The following AFG2A variants were observed in gnomAD, a reference collection of about 807,000 sequenced individuals.
AFG2A encodes AAA ATPase AFG2A.
the AFG2A span, among the ~76,000 whole-genome samples, chr4:122,939,345 G>A: frequency 6.6e-6 from 1 of 152,080 alleles, no homozygotes; most frequent in Non-Finnish European, 1.5e-5. Context: ...GCCTCCCAAA[G>A]TGCTGGGATT....
At chr4:123,082,978 G>C in the AFG2A span, among the ~76,000 whole-genome samples, 1 of 151,992 alleles carries the variant, frequency 6.6e-6, no homozygotes, top group Non-Finnish European at 1.5e-5. Flanking sequence ...TGATATATAA[G>C]AATGCAGTTA....
chr4:123,000,234 A>G, the AFG2A span, among the ~76,000 whole-genome samples: 69 of 150,146 alleles, frequency 4.6e-4, 2 homozygotes, highest in Admixed American at 1.3e-3. Context: ...TAGATATACA[A>G]TCATGTTGTC....
chr4:123,001,272 G>T, the AFG2A span, among the ~76,000 whole-genome samples: 5 of 152,042 alleles, frequency 3.3e-5, no homozygotes, highest in African/African-American at 9.7e-5. Flanking sequence ...ATTCATTAAT[G>T]TTTTGAAGGG....
chr4:123,170,753 T>C, the AFG2A span, among the ~76,000 whole-genome samples: 1 of 152,210 alleles, frequency 6.6e-6, no homozygotes, highest in Non-Finnish European at 1.5e-5. Flanking sequence ...TGTGGACTTA[T>C]ATAAAAATAA....
chr4:123,142,971 T>G, the AFG2A span, among the ~76,000 whole-genome samples: 2 of 152,058 alleles, frequency 1.3e-5, no homozygotes, highest in African/African-American at 2.4e-5. Context: ...CTCCAAAATT[T>G]GAAACTTTTG....
the AFG2A span, among the ~76,000 whole-genome samples, chr4:123,189,056 G>T: frequency 3.1e-4 from 47 of 152,226 alleles, no homozygotes; most frequent in Middle Eastern, 3.4e-3. Flanking sequence ...TACTTAACTG[G>T]CTCTTATCTA....
the AFG2A span, among the ~76,000 whole-genome samples, chr4:123,001,090 G>T: frequency 7.1e-6 from 1 of 141,394 alleles, no homozygotes; most frequent in Non-Finnish European, 1.5e-5. Context: ...GTTTATTTGC[G>T]TAGAGGTGTT....
the AFG2A span, among the ~76,000 whole-genome samples, chr4:123,043,274 T>C: frequency 6.6e-6 from 1 of 152,230 alleles, no homozygotes. Context: ...TTCTCATTTC[T>C]CTTAAGACTT....
the AFG2A span, among the ~76,000 whole-genome samples, chr4:123,277,671 G>C: frequency 1.3e-5 from 2 of 151,860 alleles, no homozygotes; most frequent in African/African-American, 4.8e-5. Flanking sequence ...GTTTATTGAG[G>C]GTTTTTTAAA....
At chr4:123,270,306 T>G in the AFG2A span, among the ~76,000 whole-genome samples, 5 of 152,140 alleles carry the variant, frequency 3.3e-5, no homozygotes, top group African/African-American at 1.2e-4. Flanking sequence ...AAAGATAAAA[T>G]AGTAGAGCAT....
chr4:122,997,996 G>A, the AFG2A span, among the ~76,000 whole-genome samples: 1 of 152,028 alleles, frequency 6.6e-6, no homozygotes, highest in African/African-American at 2.4e-5. Context: ...TCGGTGATTT[G>A]TCTTTGTATT....
chr4:123,085,345 G>C, the AFG2A span, among the ~76,000 whole-genome samples: 13 of 152,150 alleles, frequency 8.5e-5, no homozygotes, highest in African/African-American at 3.1e-4. Context: ...TCTCCTTATA[G>C]TTCTATTAGT....
At chr4:123,123,717 A>G in the AFG2A span, among the ~76,000 whole-genome samples, 3 of 151,520 alleles carry the variant, frequency 2.0e-5, no homozygotes, top group Admixed American at 1.3e-4. Context: ...GGAGGCCGAG[A>G]CGGGTGGATC....
the AFG2A span, among the ~76,000 whole-genome samples, chr4:123,086,489 TTTTGTTTG>T: frequency 1.3e-5 from 2 of 152,128 alleles, no homozygotes; most frequent in African/African-American, 4.8e-5. Context: ...ATGTGTAGCT[TTTTGTTTG>T]TTTGTTTGTT....
At chr4:123,072,415 T>C in the AFG2A span, among the ~76,000 whole-genome samples, 1 of 152,164 alleles carries the variant, frequency 6.6e-6, no homozygotes, top group East Asian at 1.9e-4. Flanking sequence ...CAGGTAAACT[T>C]CCTGGTGTAA....
chr4:123,191,209 A>T, the AFG2A span, among the ~76,000 whole-genome samples: 1 of 152,220 alleles, frequency 6.6e-6, no homozygotes, highest in African/African-American at 2.4e-5. Flanking sequence ...ATGTAGAAGA[A>T]ATATAAATCT....
At chr4:123,196,627 G>C in the AFG2A span, among the ~76,000 whole-genome samples, 1 of 152,046 alleles carries the variant, frequency 6.6e-6, no homozygotes. Context: ...TGCTGTAATA[G>C]GATCTTGGCT....
the AFG2A span, among the ~76,000 whole-genome samples, chr4:123,264,593 G>A: frequency 6.6e-6 from 1 of 152,104 alleles, no homozygotes; most frequent in African/African-American, 2.4e-5. Flanking sequence ...ATCTTTCAGA[G>A]CAAAAATCAG....
At chr4:123,060,819 T>C in the AFG2A span, among the ~76,000 whole-genome samples, 1 of 152,182 alleles carries the variant, frequency 6.6e-6, no homozygotes, top group African/African-American at 2.4e-5. Context: ...GAAATGAGTT[T>C]TTCTTTTCTA....
Sources: allele counts gnomAD v4.1 joint callset (sites outside exome capture counted in the v4.1 genomes callset), GRCh38; gene constraint gnomAD v4.1.1; transcripts MANE v1.5; gene names NCBI Gene and HGNC (gene_info 2026-07-23, HGNC 2026-07-21).